Variants in ACSM3 observed in about 807,000 individuals in gnomAD.
ACSM3 encodes the protein acyl-coenzyme A synthetase ACSM3, mitochondrial.
A neutral mutation model predicts 74.1 loss-of-function variants in ACSM3; 61 were observed. That is an observed-to-expected ratio of 0.82 (90% CI 0.67 to 1.02). ACSM3 has a LOEUF of 1.02. Among genes scored for constraint, ACSM3 ranks in the 50% least tolerant of loss-of-function variants. ACSM3 has a pLI of 0.00. For synonymous variants in ACSM3, 213 were observed against 241.5 expected, an observed-to-expected ratio of 0.88 and a Z score of 1.09; for missense variants, 660 against 697.0, an observed-to-expected ratio of 0.95 and a Z score of 0.60.
intron 2 of ACSM3, among the ~76,000 whole-genome samples, chr16:20,751,619 G>A (rs2079989533): frequency 6.6e-6 from 1 of 152,028 alleles, no homozygotes; most frequent in African/African-American, 2.4e-5. Context: ...AGCTCAGTGG[G>A]GCTCGGAGAA....
chr16:20,691,134 T>G (rs1229690875), intron 1 of ACSM3: 2 of 1,612,894 alleles, frequency 1.2e-6, no homozygotes. Flanking sequence ...GGGTGGATGT[T>G]GTGGAAGGAT....
At chr16:20,717,201 G>A (rs2079764921) in intron 1 of ACSM3, among the ~76,000 whole-genome samples, 1 of 152,216 alleles carries the variant, frequency 6.6e-6, no homozygotes, top group South Asian at 2.1e-4. Context: ...AAGGGAAGAA[G>A]GCTGCATCTC....
chr16:20,682,224 CA>C, intron 1 of ACSM3: 1 of 1,603,144 alleles, frequency 6.2e-7, no homozygotes, highest in South Asian at 1.1e-5. Flanking sequence ...CAACTGTACT[CA>C]GAGATTATAT....
chr16:20,688,084 CAAA>C (rs34719963), intron 1 of ACSM3, among the ~76,000 whole-genome samples: 4 of 95,444 alleles, frequency 4.2e-5, no homozygotes, highest in African/African-American at 3.9e-5. Flanking sequence ...AACTCTGTCT[CAAA>C]AAAAAAAAAA....
At chr16:20,776,727 G>A (rs1055107258) in intron 3 of ACSM3, among the ~76,000 whole-genome samples, 1 of 152,162 alleles carries the variant, frequency 6.6e-6, no homozygotes, top group Non-Finnish European at 1.5e-5. Context: ...GAAGTGGCTT[G>A]TCCCAAGTCC....
At chr16:20,783,840 C>T (rs1480961670) in intron 7 of ACSM3, among the ~76,000 whole-genome samples, 1 of 149,386 alleles carries the variant, frequency 6.7e-6, no homozygotes, top group Non-Finnish European at 1.5e-5. Flanking sequence ...CGGAGTCTTG[C>T]TCTGTTGCCC....
At chr16:20,745,597 A>G (rs969566325) in intron 1 of ACSM3, among the ~76,000 whole-genome samples, 2 of 151,928 alleles carry the variant, frequency 1.3e-5, no homozygotes, top group African/African-American at 2.4e-5. Flanking sequence ...AAATAAATAA[A>G]TAAATAAATA....
intron 12 of ACSM3, among the ~76,000 whole-genome samples, chr16:20,794,977 T>C (rs1369667686): frequency 6.6e-6 from 1 of 152,364 alleles, no homozygotes; most frequent in Admixed American, 6.5e-5. Flanking sequence ...TTGCAGTTTT[T>C]AAAATAATTT....
chr16:20,781,787 G>C lies in ACSM3; in HGVS notation c.1019G>C (p.Ser340Thr). ...ATGCTTGTACAGAATGATATAACCA[G>C]GTAAGAAATGTTAGTAAATAGGCAT... ...YRMLVQNDIT[S>T]YKFKSLKHCV... is the part of the protein sequence containing the mutation. Residue 340 changes from serine to threonine, a missense_variant and splice_region_variant, in exon 7 of 14, where the codon AGC becomes ACC. Physicochemically the swap from Ser to Thr is moderately conservative, Grantham distance 58. Transcript: ENST00000289416. 2 of 1,601,984 alleles carry C rather than the reference G, an allele frequency of 1.2e-6. No homozygotes were observed. Among genetic ancestry groups the C allele is most frequent in the Non-Finnish European group, 1.7e-6 (2 of 1,169,230 alleles).
At chr16:20,738,696 G>C (rs1180780440) in intron 1 of ACSM3, 1 of 589,432 alleles carries the variant, frequency 1.7e-6, no homozygotes, top group Non-Finnish European at 3.0e-6. Context: ...AGCAAAGCCA[G>C]GTTTCCACTC....
chr16:20,703,550 C>G, intron 1 of ACSM3: 1 of 151,804 alleles, frequency 6.6e-6, no homozygotes. Flanking sequence ...TTGAGACAGT[C>G]TCATTCTGTC....
upstream of ACSM3, among the ~76,000 whole-genome samples, chr16:20,763,454 G>A (rs189365189): frequency 2.6e-5 from 4 of 152,296 alleles, no homozygotes; most frequent in Admixed American, 2.6e-4. Context: ...CAAGGAGGCC[G>A]GTGGCTGTGC....
chr16:20,734,109 CAAATA>C (rs16417), intron 1 of ACSM3: 1 of 152,178 alleles, frequency 6.6e-6, no homozygotes, highest in Non-Finnish European at 1.5e-5. Flanking sequence ...TTACCAAATA[CAAATA>C]AATATAAAAG....
At chr16:20,770,579 G>C (rs1160459373) in intron 2 of ACSM3, among the ~76,000 whole-genome samples, 1 of 151,916 alleles carries the variant, frequency 6.6e-6, no homozygotes, top group Non-Finnish European at 1.5e-5. Context: ...AGTCAGAAAT[G>C]GTAGAAAAGG....
At chr16:20,687,220 G>T (rs2079570024) in intron 1 of ACSM3, among the ~76,000 whole-genome samples, 2 of 152,144 alleles carry the variant, frequency 1.3e-5, no homozygotes, top group South Asian at 4.1e-4. Flanking sequence ...GTCTCTGAAA[G>T]CAGTGGTGGG....
chr16:20,700,278 G>T (rs900550527), intron 1 of ACSM3, among the ~76,000 whole-genome samples: 1 of 152,154 alleles, frequency 6.6e-6, no homozygotes, highest in African/African-American at 2.4e-5. Flanking sequence ...GACAAGGTTG[G>T]TGCTCTCAAG....
At chr16:20,786,453 G>A (rs1333129918) in intron 9 of ACSM3, 8 of 414,162 alleles carry the variant, frequency 1.9e-5, no homozygotes, top group Non-Finnish European at 2.8e-5. Context: ...GGCCAAGGCG[G>A]GAGCATCACT....
intron 1 of ACSM3, among the ~76,000 whole-genome samples, chr16:20,740,297 AG>A (rs1239811406): frequency 1.3e-5 from 2 of 152,198 alleles, no homozygotes; most frequent in Non-Finnish European, 2.9e-5. Flanking sequence ...TCGGGGACTG[AG>A]GCAGGAGGAC....
At position 20,777,398 on chromosome 16, in the gene ACSM3, T is replaced by A. The variant is rs1178329644; in HGVS notation, c.456T>A (p.Thr152=). The change falls in exon 4 of 14, where the codon ACT becomes ACA. Residue 152 remains threonine, a synonymous_variant. Transcript: ENST00000289416. Reference sequence around the variant, plus strand: ...GGACAGTTTTAATTCCAGGAACCACTCAGCTGACCCAGAAAGACATTCTCT... The same window carrying A: ...GGACAGTTTTAATTCCAGGAACCACACAGCTGACCCAGAAAGACATTCTCT... ...RTGTVLIPGT[T]QLTQKDILYR... The A allele has an allele frequency of 1.2e-6, 2 of 1,614,032 alleles. No homozygotes were observed. The highest frequency in any genetic ancestry group is 1.7e-6 in the Non-Finnish European group (2 of 1,179,940).
Sources: gnomAD v4.1 joint callset for allele counts (sites outside exome capture counted in the v4.1 genomes callset) on GRCh38, gnomAD v4.1.1 for gene constraint, MANE v1.5 for transcripts, NCBI Gene and HGNC (gene_info 2026-07-23, HGNC 2026-07-21) for gene names.